CACNG3: variants seen among roughly 807,000 people sequenced by gnomAD.
CACNG3 encodes calcium voltage-gated channel auxiliary subunit gamma 3, also known as voltage-dependent calcium channel gamma-3 subunit.
In CACNG3, 3 loss-of-function variants were observed where a neutral mutation model predicts 28.5. That is an observed-to-expected ratio of 0.11 (90% CI 0.05 to 0.27). The LOEUF (loss-of-function observed/expected upper bound fraction) is 0.27, where lower values mean the gene tolerates loss of function less well. Among genes scored for constraint, CACNG3 ranks in the 10% least tolerant of loss-of-function variants. CACNG3 has a pLI of 1.00. For synonymous variants in CACNG3, 174 were observed against 162.2 expected (o/e 1.07, Z -0.55); for missense variants, 236 against 414.4 (o/e 0.57, Z 3.74).
chr16:24,302,751 C>T (rs2141360865), intron 1 of CACNG3, among the ~76,000 whole-genome samples: 1 of 152,158 alleles, frequency 6.6e-6, no homozygotes, highest in Admixed American at 6.5e-5. Flanking sequence ...ACTCTGCCTC[C>T]CAGATTCAAA....
rs139239202 is a variant in CACNG3, at chr16:24,301,363, G to C, written c.211+44398G>C. On this transcript the variant is annotated intron_variant, in intron 1 of 3. Transcript: ENST00000005284. The stretch of plus-strand genomic sequence containing the variant: ...TTTCATTTTTTTCCTGAGCTGATGA[G>C]CTTCCAGACAACTTGGAATCTAGAT... Among the ~76,000 whole-genome samples the C allele has an allele frequency of 3.5e-3, 532 of 152,170 alleles. 1 individual carries two copies. Among genetic ancestry groups the C allele is most frequent in the South Asian group, 0.01 (50 of 4,828 alleles).
intron 1 of CACNG3, among the ~76,000 whole-genome samples, chr16:24,259,412 G>T (rs878987233): frequency 1.3e-5 from 2 of 152,140 alleles, no homozygotes; most frequent in Non-Finnish European, 2.9e-5. Context: ...TCCATCCTTT[G>T]CTAGAATGAA....
rs1240823891 is a variant in CACNG3, at chr16:24,361,986, T to G, written c.*123T>G. On this transcript the variant is annotated 3_prime_UTR_variant, in exon 4 of 4. Coordinates refer to ENST00000005284, the MANE Select transcript of CACNG3 (RefSeq NM_006539.4). This position sits in a 1 kb window ranked among gnomAD's most constrained non-coding sequence, Gnocchi z 6.8. The stretch of plus-strand genomic sequence containing the variant: ...ACTTTTTACAAAGAATGAAACCAAA[T>G]GGACTCAGCCCTCTCCCACATTTTC... 1 of 997,460 alleles carries G rather than the reference T, an allele frequency of 1.0e-6. No individual in the cohort carries two copies. The highest frequency in any genetic ancestry group is 2.6e-5 in the East Asian group (1 of 38,512). The allele number at this position is 997,460 out of a possible 1,614,324, so 61.8% of individuals were successfully genotyped here. A position where few individuals can be genotyped will look rare whatever the true frequency, so the allele number is the denominator to read the frequency against.
chr16:24,349,501 T>G (rs891110769), intron 2 of CACNG3, among the ~76,000 whole-genome samples: 1 of 152,164 alleles, frequency 6.6e-6, no homozygotes, highest in Non-Finnish European at 1.5e-5. Context: ...TATTCATAAG[T>G]TTTCCAGGAA....
chr16:24,352,957 AG>A (rs1899976212), intron 2 of CACNG3, among the ~76,000 whole-genome samples: 1 of 151,644 alleles, frequency 6.6e-6, no homozygotes, highest in Non-Finnish European at 1.5e-5. Context: ...CTGGAACAAG[AG>A]GCCTCACTGT....
rs200750978 is a variant in CACNG3, at chr16:24,354,828, C to G, written c.296-5C>G. The G allele has an allele frequency of 3.7e-6, 6 of 1,611,758 alleles. No individual in the cohort carries two copies. In the East Asian group the frequency reaches 1.1e-4, roughly 30 times the overall value. On this transcript the variant is annotated splice_polypyrimidine_tract_variant and splice_region_variant and intron_variant, in intron 2 of 3. Transcript: ENST00000005284. ...AGGCAGAAGCCTCTCTCCTTCTCTC[C>G]GCAGGAGCTGTGAGGGCCTCCAGTG...
chr16:24,330,252 C>G (rs545902506), intron 1 of CACNG3, among the ~76,000 whole-genome samples: 4 of 152,274 alleles, frequency 2.6e-5, no homozygotes, highest in East Asian at 1.9e-4. Flanking sequence ...CAGCTGCAGT[C>G]AAGGACTCAG....
chr16:24,352,470 A>AC, intron 2 of CACNG3, among the ~76,000 whole-genome samples: 1 of 152,066 alleles, frequency 6.6e-6, no homozygotes, highest in African/African-American at 2.4e-5. Flanking sequence ...CCTCAGGTCT[A>AC]CCCCCGCAGT....
intron 1 of CACNG3, among the ~76,000 whole-genome samples, chr16:24,282,184 A>C (rs1262995188): frequency 6.6e-6 from 1 of 152,146 alleles, no homozygotes; most frequent in Non-Finnish European, 1.5e-5. Context: ...TCCCATGAGG[A>C]AATGGAGGTT....
chr16:24,302,409 G>A (rs1006263693), intron 1 of CACNG3, among the ~76,000 whole-genome samples: 5 of 152,046 alleles, frequency 3.3e-5, no homozygotes, highest in African/African-American at 7.2e-5. Flanking sequence ...TACAACCAAC[G>A]GAGTCAGCAT....
intron 1 of CACNG3, among the ~76,000 whole-genome samples, chr16:24,333,701 G>T (rs974017683): frequency 6.6e-6 from 1 of 152,112 alleles, no homozygotes. Context: ...AATTAGCCGG[G>T]TATGGTGGCG....
rs368874081 is a variant in CACNG3 at position 24,256,708 on chromosome 16, G to T, written c.-47G>T. On this transcript the variant is annotated 5_prime_UTR_variant, in exon 1 of 4. Coordinates refer to ENST00000005284, the MANE Select transcript of CACNG3 (RefSeq NM_006539.4). The surrounding 1 kb of genome is among the most constrained non-coding windows in gnomAD (Gnocchi z 4.6). Reference sequence around the variant, plus strand: ...CAGAGTGATTTTCCCCTCCGGCACTGACTCTCCCCCTCCAACCCCCAGCCG... The same window carrying T: ...CAGAGTGATTTTCCCCTCCGGCACTTACTCTCCCCCTCCAACCCCCAGCCG... The T allele has an allele frequency of 1.0e-4, 137 of 1,317,624 alleles. No individual in the cohort carries two copies. The highest frequency in any genetic ancestry group is 2.3e-4 in the Middle Eastern group (1 of 4,408). The allele number at this position is 1,317,624 out of a possible 1,614,324, so 81.6% of individuals were successfully genotyped here. A position where few individuals can be genotyped will look rare whatever the true frequency, so the allele number is the denominator to read the frequency against.
At chr16:24,312,039 C>T (rs1351193457) in intron 1 of CACNG3, among the ~76,000 whole-genome samples, 1 of 152,164 alleles carries the variant, frequency 6.6e-6, no homozygotes, top group Non-Finnish European at 1.5e-5. Flanking sequence ...CACCAGTCTG[C>T]TCTCAGTATG....
intron 1 of CACNG3, among the ~76,000 whole-genome samples, chr16:24,306,832 T>C (rs1899191594): frequency 6.6e-6 from 1 of 152,042 alleles, no homozygotes; most frequent in East Asian, 1.9e-4. Context: ...ATGGGGAAAG[T>C]GAGGCTCCAG....
At chr16:24,341,047 G>T (rs72781859) in intron 1 of CACNG3, among the ~76,000 whole-genome samples, 9,394 of 152,232 alleles carry the variant, frequency 0.062, 403 homozygotes, top group Non-Finnish European at 0.095. Flanking sequence ...TCTACAGTGG[G>T]TGGGCAAGTC....
rs537379661 is a variant in CACNG3, at chr16:24,321,003, G to A, written c.212-25731G>A. Among the ~76,000 whole-genome samples the A allele has an allele frequency of 2.0e-5, 3 of 152,254 alleles. No individual in the cohort carries two copies. The South Asian group carries it at 6.2e-4, about 32-fold the overall frequency. ...TCACCTGAGCCTCCCAAAGCACTGA[G>A]ATTACAGGTGTGAGCCAATGCACCT... On this transcript the variant is annotated intron_variant, in intron 1 of 3. Transcript: ENST00000005284.
At chr16:24,263,748 T>A (rs143784487) in intron 1 of CACNG3, among the ~76,000 whole-genome samples, 91 of 152,354 alleles carry the variant, frequency 6.0e-4, no homozygotes, top group African/African-American at 2.1e-3. Context: ...CTGTTTTAAT[T>A]CTTGTGTTTC....
intron 1 of CACNG3, among the ~76,000 whole-genome samples, chr16:24,342,810 T>C (rs905098690): frequency 9.2e-5 from 14 of 152,300 alleles, no homozygotes; most frequent in Admixed American, 7.2e-4. Context: ...GATTTTTTTT[T>C]CAACTATCTA....
At chr16:24,258,314 T>G (rs992006370) in intron 1 of CACNG3, among the ~76,000 whole-genome samples, 67 of 152,320 alleles carry the variant, frequency 4.4e-4, no homozygotes, top group Admixed American at 1.2e-3. Flanking sequence ...ATTCTGTTTC[T>G]AACACAAATT....
Sources: allele counts gnomAD v4.1 joint callset (sites outside exome capture counted in the v4.1 genomes callset), GRCh38; gene constraint gnomAD v4.1.1; non-coding constraint Gnocchi (gnomAD v3.1); transcripts MANE v1.5; gene names NCBI Gene and HGNC (gene_info 2026-07-23, HGNC 2026-07-21).